The following CTNNA3 variants were observed in gnomAD, a reference collection of about 807,000 sequenced individuals.
CTNNA3 encodes the protein catenin alpha 3, also known as catenin alpha-3.
In CTNNA3, 76 loss-of-function variants were observed where a neutral mutation model predicts 95.7. That is an observed-to-expected ratio of 0.79 (90% CI 0.66 to 0.96). The LOEUF is 0.96. CTNNA3 is among the 40% of genes least tolerant of loss of function. The pLI, the probability that CTNNA3 is intolerant of heterozygous loss-of-function variation, is 0.00. For synonymous variants in CTNNA3, 431 were observed against 374.4 expected (o/e 1.15, Z -1.74); for missense variants, 1,191 against 1,089.8 (o/e 1.09, Z -1.31).
At chr10:67,235,217 G>A (rs1865398315) in intron 5 of CTNNA3, among the ~76,000 whole-genome samples, 1 of 152,018 alleles carries the variant, frequency 6.6e-6, no homozygotes, top group Non-Finnish European at 1.5e-5. Context: ...GCAATCCTAA[G>A]CCAAAAGAAC....
intron 7 of CTNNA3, among the ~76,000 whole-genome samples, chr10:66,884,632 G>A (rs1445212791): frequency 6.6e-6 from 1 of 152,086 alleles, no homozygotes; most frequent in Non-Finnish European, 1.5e-5. Context: ...GAGAGATCCT[G>A]ACCCAGAACC....
intron 5 of CTNNA3, among the ~76,000 whole-genome samples, chr10:67,357,303 C>T (rs1842843178): frequency 6.6e-6 from 1 of 151,932 alleles, no homozygotes; most frequent in Non-Finnish European, 1.5e-5. Flanking sequence ...TGTTATATCT[C>T]CCAGAAGATA....
At chr10:67,718,605 A>G (rs1351730754) in intron 1 of CTNNA3, among the ~76,000 whole-genome samples, 2 of 152,220 alleles carry the variant, frequency 1.3e-5, no homozygotes, top group East Asian at 3.8e-4. Context: ...GGGATGGATT[A>G]CATTTATTGA....
At chr10:67,286,749 G>T (rs1839618359) in intron 5 of CTNNA3, among the ~76,000 whole-genome samples, 1 of 152,266 alleles carries the variant, frequency 6.6e-6, no homozygotes, top group South Asian at 2.1e-4. Flanking sequence ...TTTCATGTCT[G>T]TAAAATTAAC....
intron 11 of CTNNA3, among the ~76,000 whole-genome samples, chr10:66,399,563 A>C (rs2093004328): frequency 2.0e-5 from 3 of 151,968 alleles, no homozygotes; most frequent in Admixed American, 1.3e-4. Context: ...AAAGGAACTA[A>C]ATAAGAACTG....
chr10:66,166,286 A>G (rs527833491), intron 13 of CTNNA3, among the ~76,000 whole-genome samples: 9 of 151,892 alleles, frequency 5.9e-5, no homozygotes, highest in Non-Finnish European at 1.2e-4. Flanking sequence ...AGCCTGGCCA[A>G]CATGGTGAAA....
chr10:66,815,910 A>C (rs1842061079), intron 7 of CTNNA3, among the ~76,000 whole-genome samples: 1 of 152,232 alleles, frequency 6.6e-6, no homozygotes, highest in African/African-American at 2.4e-5. Flanking sequence ...ATGAAGAAAT[A>C]AAGAGCACCA....
intron 7 of CTNNA3, among the ~76,000 whole-genome samples, chr10:66,952,562 C>T (rs1280932327): frequency 6.6e-6 from 1 of 151,970 alleles, no homozygotes; most frequent in African/African-American, 2.4e-5. Context: ...TGGAGGCACG[C>T]ACACATGCAT....
intron 13 of CTNNA3, among the ~76,000 whole-genome samples, chr10:66,260,884 G>A (rs930460487): frequency 6.6e-6 from 1 of 151,978 alleles, no homozygotes; most frequent in Non-Finnish European, 1.5e-5. Flanking sequence ...TCACCTTCCT[G>A]ATTAATATAG....
chr10:66,766,901 T>C (rs1023971096), intron 8 of CTNNA3, among the ~76,000 whole-genome samples: 5 of 152,174 alleles, frequency 3.3e-5, no homozygotes, highest in African/African-American at 1.2e-4. Flanking sequence ...TGATAACAGA[T>C]TAATAGAGCA....
chr10:66,571,421 G>C (rs1457676495), intron 10 of CTNNA3, among the ~76,000 whole-genome samples: 1 of 152,130 alleles, frequency 6.6e-6, no homozygotes, highest in Non-Finnish European at 1.5e-5. Context: ...ATAATCCTGT[G>C]AGGAAAACAG....
chr10:67,201,390 T>C (rs1295202957), intron 6 of CTNNA3, among the ~76,000 whole-genome samples: 1 of 152,220 alleles, frequency 6.6e-6, no homozygotes, highest in African/African-American at 2.4e-5. Context: ...CATATGCCAA[T>C]TGATTGGCTT....
chr10:65,993,615 T>C (rs189495708), intron 15 of CTNNA3, among the ~76,000 whole-genome samples: 354 of 152,362 alleles, frequency 2.3e-3, no homozygotes, highest in Non-Finnish European at 3.3e-3. Flanking sequence ...TTCAATCCTT[T>C]ACTTTCATTC....
chr10:67,072,859 C>T (rs1373864693), intron 7 of CTNNA3, among the ~76,000 whole-genome samples: 2 of 78,242 alleles, frequency 2.6e-5, no homozygotes, highest in African/African-American at 1.4e-4. Context: ...TTATTTCCTA[C>T]TAAAATTCTA....
At chr10:66,979,231 G>C in intron 7 of CTNNA3, among the ~76,000 whole-genome samples, 1 of 151,956 alleles carries the variant, frequency 6.6e-6, no homozygotes, top group East Asian at 1.9e-4. Flanking sequence ...GCCTCCCAAA[G>C]TGCTGGGATT....
At chr10:67,698,344 G>A (rs1288986099), upstream of CTNNA3, among the ~76,000 whole-genome samples, 9 of 147,720 alleles carry the variant, frequency 6.1e-5, no homozygotes, top group African/African-American at 2.3e-4. Flanking sequence ...CATCAGGACC[G>A]GCCCCAAACA....
chr10:67,357,313 A>G (rs1394377973), intron 5 of CTNNA3, among the ~76,000 whole-genome samples: 7 of 152,180 alleles, frequency 4.6e-5, no homozygotes, highest in Non-Finnish European at 4.4e-5. Flanking sequence ...CCCAGAAGAT[A>G]AAATATATCT....
chr10:66,920,936 C>T (rs1846753386), intron 7 of CTNNA3, among the ~76,000 whole-genome samples: 1 of 152,198 alleles, frequency 6.6e-6, no homozygotes, highest in African/African-American at 2.4e-5. Context: ...GGCCCAAACA[C>T]CATCATCTAT....
chr10:66,043,256 G>C (rs2079746497), intron 15 of CTNNA3, among the ~76,000 whole-genome samples: 1 of 150,044 alleles, frequency 6.7e-6, no homozygotes, highest in East Asian at 2.0e-4. Flanking sequence ...GAAAAAGAAA[G>C]TACAAAAATG....
Sources: allele counts gnomAD v4.1 joint callset (sites outside exome capture counted in the v4.1 genomes callset), GRCh38; gene constraint gnomAD v4.1.1; transcripts MANE v1.5; gene names NCBI Gene and HGNC (gene_info 2026-07-23, HGNC 2026-07-21).